The following TMEM132B variants were observed in gnomAD, a reference collection of about 807,000 sequenced individuals.
TMEM132B encodes the protein transmembrane protein 132B.
Under a neutral mutation model 90.8 loss-of-function variants are expected in TMEM132B, and 18 were observed. The ratio of observed to expected loss-of-function variants is 0.20; its 90% CI spans 0.14 to 0.29. TMEM132B has a LOEUF of 0.29. TMEM132B is among the 10% of genes least tolerant of loss of function. The pLI, the probability that TMEM132B is intolerant of heterozygous loss-of-function variation, is 1.00. For missense variants in TMEM132B, 1,096 were observed against 1,326.8 expected (o/e 0.83, Z 2.70); for synonymous variants, 504 against 523.3 (o/e 0.96, Z 0.50).
intron 1 of TMEM132B, among the ~76,000 whole-genome samples, chr12:125,275,678 G>T (rs1228555271): frequency 6.6e-6 from 1 of 152,150 alleles, no homozygotes; most frequent in Non-Finnish European, 1.5e-5. Flanking sequence ...GGAGATTATT[G>T]TAATTTTGTT....
chr12:125,421,315 T>A (rs957272377), intron 3 of TMEM132B, among the ~76,000 whole-genome samples: 1 of 152,126 alleles, frequency 6.6e-6, no homozygotes, highest in Admixed American at 6.5e-5. Context: ...AGGAAAGAGG[T>A]CTAATTGACT....
At chr12:125,350,406 A>T in intron 2 of TMEM132B, 63 bp downstream of exon 2, 1 of 1,502,898 alleles carries the variant, frequency 6.7e-7, no homozygotes, top group Admixed American at 2.1e-5. Context: ...TGAATTGTCA[A>T]TGAATAAAAT....
intron 4 of TMEM132B, among the ~76,000 whole-genome samples, chr12:125,554,494 A>G (rs911565948): frequency 1.3e-5 from 2 of 150,492 alleles, no homozygotes; most frequent in Non-Finnish European, 2.9e-5. Flanking sequence ...GAGTTCTTCT[A>G]ATTGTGTGGC....
intron 3 of TMEM132B, among the ~76,000 whole-genome samples, chr12:125,472,253 GATCACCCAGC>G (rs1234959439): frequency 6.6e-6 from 1 of 152,142 alleles, no homozygotes; most frequent in Non-Finnish European, 1.5e-5. Flanking sequence ...GGGGTACAGC[GATCACCCAGC>G]ATCTGAGGAT....
intron 3 of TMEM132B, among the ~76,000 whole-genome samples, chr12:125,497,184 C>T (rs957454443): frequency 2.0e-5 from 3 of 152,216 alleles, no homozygotes; most frequent in South Asian, 2.1e-4. Flanking sequence ...TGTTGACCTA[C>T]GTGGAAGCAC....
intron 3 of TMEM132B, among the ~76,000 whole-genome samples, chr12:125,429,173 AT>A (rs1008949282): frequency 6.6e-6 from 1 of 150,928 alleles, no homozygotes; most frequent in African/African-American, 2.4e-5. Context: ...GTTTATTCAA[AT>A]TTCCTTAATT....
intron 4 of TMEM132B, among the ~76,000 whole-genome samples, chr12:125,527,625 C>T (rs1566064044): frequency 1.3e-5 from 2 of 149,122 alleles, no homozygotes. Flanking sequence ...TCCATCTACC[C>T]ATCCACCCTT....
At chr12:125,534,376 A>G (rs7486581) in intron 4 of TMEM132B, among the ~76,000 whole-genome samples, 62,672 of 151,498 alleles carry the variant, frequency 0.41, 13,057 homozygotes, top group East Asian at 0.58. Flanking sequence ...AATTGGCCAT[A>G]CATGGTGACA....
At chr12:125,638,109 C>G (rs981299078) in intron 5 of TMEM132B, among the ~76,000 whole-genome samples, 1 of 152,202 alleles carries the variant, frequency 6.6e-6, no homozygotes, top group Non-Finnish European at 1.5e-5. Context: ...CTTGCCTGGG[C>G]TGCACTGAAG....
At chr12:125,413,490 C>T (rs1259723016) in intron 2 of TMEM132B, among the ~76,000 whole-genome samples, 1 of 152,126 alleles carries the variant, frequency 6.6e-6, no homozygotes, top group African/African-American at 2.4e-5. Context: ...GCAGCTACTC[C>T]CCATTTCCCC....
intron 4 of TMEM132B, among the ~76,000 whole-genome samples, chr12:125,574,294 G>T (rs1262396786): frequency 6.6e-6 from 1 of 152,082 alleles, no homozygotes; most frequent in African/African-American, 2.4e-5. Context: ...GCACATAGCA[G>T]ATGCTCTCTT....
rs1873266849 is a variant in TMEM132B at position 125,209,427 on chromosome 12, A to T, written c.67+22561A>T. Among the ~76,000 whole-genome samples, 1 of 152,158 alleles carries T rather than the reference A, an allele frequency of 6.6e-6. No homozygotes were observed. The highest frequency in any genetic ancestry group is 2.1e-4 in the South Asian group (1 of 4,828). ...TGGCTGGTCACTGGGACAGTGCTCG[A>T]CTGGGGGAAGGGGTTTGGCCCCCTT... is the stretch of plus-strand genomic sequence containing the variant. On this transcript the variant is annotated intron_variant, in intron 1 of 8. Coordinates refer to ENST00000682704, the MANE Select transcript of TMEM132B (RefSeq NM_001366854.1). This position sits in a 1 kb window ranked among gnomAD's most constrained non-coding sequence, Gnocchi z 4.4.
At position 125,196,645 on chromosome 12, in the gene TMEM132B, T is replaced by C. The variant is rs532041594; in HGVS notation, c.67+9779T>C. ...AATTGCTTGAGCCTGGGAGGCAGAG[T>C]TGCAGTGAGCCGAGATCATGCCACT... On this transcript the variant is annotated intron_variant, in intron 1 of 8. Coordinates refer to ENST00000682704, the MANE Select transcript of TMEM132B (RefSeq NM_001366854.1). 2.0e-5 allele frequency among the ~76,000 whole-genome samples: 3 copies of C among 152,040 alleles called. No individual in the cohort carries two copies. In the South Asian group the frequency reaches 6.3e-4, roughly 32 times the overall value.
chr12:125,288,159 C>T (rs925303595), intron 1 of TMEM132B, among the ~76,000 whole-genome samples: 9 of 150,600 alleles, frequency 6.0e-5, no homozygotes, highest in Admixed American at 4.0e-4. Flanking sequence ...CAGGTGTGAG[C>T]CACTGCACCC....
chr12:125,457,836 A>G (rs1881333435), intron 3 of TMEM132B, among the ~76,000 whole-genome samples: 2 of 152,202 alleles, frequency 1.3e-5, no homozygotes, highest in Non-Finnish European at 2.9e-5. Context: ...GGTGAACATG[A>G]TGCAGAAGGC....
chr12:125,296,791 T>G (rs7959631), intron 1 of TMEM132B, among the ~76,000 whole-genome samples: 5 of 152,126 alleles, frequency 3.3e-5, no homozygotes, highest in African/African-American at 1.2e-4. Context: ...ATCACCGAAC[T>G]GGGACCAGGC....
intron 4 of TMEM132B, among the ~76,000 whole-genome samples, chr12:125,576,288 A>G (rs1884939200): frequency 6.6e-6 from 1 of 152,090 alleles, no homozygotes; most frequent in Admixed American, 6.6e-5. Flanking sequence ...TGTTCATTAC[A>G]GATAAAATTG....
chr12:125,637,889 A>G (rs973348347), intron 5 of TMEM132B, among the ~76,000 whole-genome samples: 1 of 152,158 alleles, frequency 6.6e-6, no homozygotes, highest in Non-Finnish European at 1.5e-5. Flanking sequence ...ACGCATTAGG[A>G]TCTGTTTTTG....
rs1284173704 is a variant in TMEM132B at position 125,517,328 on chromosome 12, T to G, written c.1107-2111T>G. On this transcript the variant is annotated intron_variant, in intron 3 of 8. Transcript: ENST00000682704. ...GGCGCCCGCCACCATGCCCTGCTGA[T>G]TTTTTTTTTTTTTTTTTTTTTTTTT... Among the ~76,000 whole-genome samples the G allele has an allele frequency of 2.0e-3, 17 of 8,506 alleles. 1 individual carries two copies. The highest frequency in any genetic ancestry group is 0.014 in the African/African-American group (9 of 630). 5.6% of individuals were successfully genotyped at this position (8,506 alleles called of 152,430 possible).
Sources: allele counts gnomAD v4.1 joint callset (sites outside exome capture counted in the v4.1 genomes callset), GRCh38; gene constraint gnomAD v4.1.1; non-coding constraint Gnocchi (gnomAD v3.1); transcripts MANE v1.5; gene names NCBI Gene and HGNC (gene_info 2026-07-23, HGNC 2026-07-21).